The following MKLN1 variants were observed in gnomAD, a reference collection of about 807,000 sequenced individuals.
MKLN1 encodes the protein muskelin 1.
A neutral mutation model predicts 99.0 loss-of-function variants in MKLN1; 18 were observed. The ratio of observed to expected loss-of-function variants is 0.18; its 90% CI spans 0.13 to 0.27. The LOEUF is 0.27. Ranked by LOEUF, MKLN1 falls within the 10% of genes least tolerant of loss-of-function variation. The pLI, the probability that MKLN1 is intolerant of heterozygous loss-of-function variation, is 1.00. For synonymous variants in MKLN1, 288 were observed against 293.2 expected (o/e 0.98, Z 0.18); for missense variants, 621 against 875.9 (o/e 0.71, Z 3.67).
At chr7:131,141,007 A>G (rs1040444505) in intron 1 of MKLN1, among the ~76,000 whole-genome samples, 2 of 151,968 alleles carry the variant, frequency 1.3e-5, no homozygotes, top group African/African-American at 2.4e-5. Context: ...GATGGTCTCC[A>G]TCTCCTGATC....
intron 3 of MKLN1, among the ~76,000 whole-genome samples, chr7:131,215,509 T>G (rs926507616): frequency 6.6e-6 from 1 of 151,726 alleles, no homozygotes; most frequent in African/African-American, 2.4e-5. Context: ...CACACCCAGC[T>G]AATTTTTAGA....
intron 6 of MKLN1, 60 bp from the exon 7 acceptor site, chr7:131,411,246 C>A: frequency 1.0e-6 from 1 of 998,686 alleles, no homozygotes; most frequent in Non-Finnish European, 1.5e-6. Flanking sequence ...TAATTTTTTT[C>A]TATAATAAAT....
At chr7:131,147,991 A>G (rs1403837860) in intron 2 of MKLN1, among the ~76,000 whole-genome samples, 1 of 152,158 alleles carries the variant, frequency 6.6e-6, no homozygotes, top group African/African-American at 2.4e-5. Flanking sequence ...TTATGGCATA[A>G]GCTTTAGATT....
chr7:131,466,455 T>C (rs1796663492), intron 15 of MKLN1, 40 bp downstream of exon 15: 1 of 1,442,158 alleles, frequency 6.9e-7, no homozygotes, highest in African/African-American at 1.4e-5. Context: ...ATTAACATTA[T>C]CAGCTATATT....
intron 1 of MKLN1, among the ~76,000 whole-genome samples, chr7:131,133,791 T>C (rs1000079555): frequency 2.7e-5 from 4 of 148,470 alleles, no homozygotes; most frequent in Non-Finnish European, 6.0e-5. Context: ...CCGGCCCAGG[T>C]TGACTTCTTT....
chr7:131,304,098 G>A (rs756731530), intron 3 of MKLN1, among the ~76,000 whole-genome samples: 9 of 152,194 alleles, frequency 5.9e-5, no homozygotes, highest in Non-Finnish European at 1.2e-4. Flanking sequence ...GGAAGACCAG[G>A]CACAGTGACT....
intron 2 of MKLN1, among the ~76,000 whole-genome samples, chr7:131,190,208 C>T (rs577509834): frequency 2.0e-5 from 3 of 152,266 alleles, no homozygotes; most frequent in South Asian, 4.1e-4. Context: ...TAGGTGGTAA[C>T]AACAAAATCC....
At chr7:131,359,917 A>C (rs1388738345) in intron 1 of MKLN1, among the ~76,000 whole-genome samples, 2 of 151,934 alleles carry the variant, frequency 1.3e-5, no homozygotes, top group Non-Finnish European at 2.9e-5. Context: ...TATTTTTAGT[A>C]GAGGTAAAAT....
At chr7:131,226,554 A>AAT (rs1797150419) in intron 3 of MKLN1, among the ~76,000 whole-genome samples, 1 of 152,202 alleles carries the variant, frequency 6.6e-6, no homozygotes, top group South Asian at 2.1e-4. Context: ...TAGTTCAGCA[A>AAT]ATCTTCATGG....
At chr7:131,231,907 G>A (rs373619313) in intron 3 of MKLN1, among the ~76,000 whole-genome samples, 3 of 152,192 alleles carry the variant, frequency 2.0e-5, no homozygotes, top group African/African-American at 4.8e-5. Flanking sequence ...AAAATAAAAC[G>A]TGTGATTCTT....
At chr7:131,307,296 T>G (rs919159073) in intron 3 of MKLN1, among the ~76,000 whole-genome samples, 1 of 152,146 alleles carries the variant, frequency 6.6e-6, no homozygotes, top group Non-Finnish European at 1.5e-5. Context: ...AGTGCCCTCA[T>G]GGAAAACCTC....
chr7:131,372,267 C>A (rs1249535827), intron 1 of MKLN1, among the ~76,000 whole-genome samples: 2 of 151,800 alleles, frequency 1.3e-5, no homozygotes, highest in African/African-American at 4.8e-5. Context: ...TTTAATTGTC[C>A]TGTAGTCTTT....
At chr7:131,258,391 A>G (rs1797688323) in intron 3 of MKLN1, among the ~76,000 whole-genome samples, 1 of 69,444 alleles carries the variant, frequency 1.4e-5, no homozygotes. Context: ...GTGTCCTAAC[A>G]GAGACACAGA....
chr7:131,169,492 GTATT>G lies in MKLN1; in HGVS notation c.-297+26558_-297+26561del, dbSNP rs112141745. ...ACTTTGATTATCTGCAGTATTCTAA[GTATT>G]TATTTAGTAACTAAAACTAATTTTA... On this transcript the variant is annotated intron_variant, in intron 2 of 7. Coordinates refer to the MKLN1 transcript ENST00000416992. 4.3e-3 allele frequency among the ~76,000 whole-genome samples: 655 copies of G among 152,256 alleles called. 5 individuals carry two copies. The highest frequency in any genetic ancestry group is 0.015 in the African/African-American group (624 of 41,548).
At chr7:131,314,881 T>G (rs992775631) in intron 3 of MKLN1, among the ~76,000 whole-genome samples, 2 of 151,278 alleles carry the variant, frequency 1.3e-5, no homozygotes, top group Non-Finnish European at 2.9e-5. Context: ...TAAATGATCC[T>G]CGACCTCAGC....
At chr7:131,327,864 C>T (rs774639291), upstream of MKLN1, 4 of 1,604,886 alleles carry the variant, frequency 2.5e-6, no homozygotes, top group Non-Finnish European at 3.4e-6. Context: ...CCGTTCGCTG[C>T]CAGCGGTCGG....
intron 3 of MKLN1, among the ~76,000 whole-genome samples, chr7:131,208,735 TC>T (rs1200654318): frequency 6.6e-6 from 1 of 152,230 alleles, no homozygotes; most frequent in Admixed American, 6.5e-5. Context: ...CCATGTGCCT[TC>T]ATCTGGGTGC....
chr7:131,216,931 A>T (rs1043482312), intron 3 of MKLN1, among the ~76,000 whole-genome samples: 5 of 152,082 alleles, frequency 3.3e-5, no homozygotes, highest in African/African-American at 1.2e-4. Flanking sequence ...AAGATGTCCC[A>T]TGAACTGAGG....
At chr7:131,355,706 G>A (rs1299919141) in intron 1 of MKLN1, among the ~76,000 whole-genome samples, 2 of 147,202 alleles carry the variant, frequency 1.4e-5, no homozygotes, top group South Asian at 2.1e-4. Context: ...TTTGGTCCAG[G>A]CTGGAGTATA....
Sources: gnomAD v4.1 joint callset for allele counts (sites outside exome capture counted in the v4.1 genomes callset) on GRCh38, gnomAD v4.1.1 for gene constraint, MANE v1.5 for transcripts, NCBI Gene and HGNC (gene_info 2026-07-23, HGNC 2026-07-21) for gene names.